Variants in WWOX observed in about 807,000 individuals in gnomAD.
The protein encoded by WWOX is WW domain-containing oxidoreductase.
In WWOX, 69 loss-of-function variants were observed where a neutral mutation model predicts 46.2. The ratio of observed to expected loss-of-function variants is 1.49; its 90% CI spans 1.23 to 1.82. The LOEUF (loss-of-function observed/expected upper bound fraction) is 1.82, where lower values mean the gene tolerates loss of function less well. Among genes scored for constraint, WWOX ranks in the 40% most tolerant of loss-of-function variants. The probability of loss-of-function intolerance (pLI) is 0.00; values close to 1 mark genes in which losing one functional copy is unlikely to be tolerated. For synonymous variants in WWOX, 359 were observed against 202.6 expected (o/e 1.77, Z -6.56); for missense variants, 919 against 542.6 (o/e 1.69, Z -6.89).
chr16:78,578,630 C>T (rs537220277), intron 8 of WWOX, among the ~76,000 whole-genome samples: 3 of 151,840 alleles, frequency 2.0e-5, no homozygotes, highest in Admixed American at 6.6e-5. Flanking sequence ...CACGCACACA[C>T]CAAATTTAAA....
intron 8 of WWOX, among the ~76,000 whole-genome samples, chr16:78,886,639 C>CATATATATATATATATATAT (rs3085495): frequency 1.7e-4 from 25 of 144,834 alleles, no homozygotes; most frequent in Admixed American, 4.8e-4. Flanking sequence ...CAAAGAAAAA[C>CATATATATATATATATATAT]ATATATATAT....
At chr16:78,997,308 A>C (rs879084981) in intron 8 of WWOX, among the ~76,000 whole-genome samples, 4 of 152,172 alleles carry the variant, frequency 2.6e-5, no homozygotes, top group Admixed American at 2.0e-4. Flanking sequence ...AACCATACCT[A>C]TATCAGCTTT....
chr16:78,489,369 T>A (rs116137670), intron 8 of WWOX, among the ~76,000 whole-genome samples: 2,069 of 152,248 alleles, frequency 0.014, 42 homozygotes, highest in African/African-American at 0.047. Flanking sequence ...TCTCTTTACT[T>A]GGCCAAATAT....
At chr16:78,456,247 A>T (rs914759055) in intron 8 of WWOX, among the ~76,000 whole-genome samples, 1 of 152,196 alleles carries the variant, frequency 6.6e-6, no homozygotes. Flanking sequence ...CATTTTTAAC[A>T]TAGACACCAA....
At position 78,208,490 on chromosome 16, in the gene WWOX, A is replaced by C. The variant is rs185517536; in HGVS notation, c.516+44201A>C. On this transcript the variant is annotated intron_variant, in intron 5 of 8. Transcript: ENST00000566780. Reference sequence around the variant, plus strand: ...TAAATCTCATAAAAACCTGTTATGGAATATGAATACGTGGCACTATTTTTT... The same window carrying C: ...TAAATCTCATAAAAACCTGTTATGGCATATGAATACGTGGCACTATTTTTT... Among the ~76,000 whole-genome samples the C allele has an allele frequency of 5.1e-4, 77 of 152,354 alleles. 1 individual carries two copies. The highest frequency in any genetic ancestry group is 2.9e-3 in the Admixed American group (45 of 15,308).
chr16:78,175,710 C>G (rs1361847085), intron 5 of WWOX, among the ~76,000 whole-genome samples: 1 of 152,216 alleles, frequency 6.6e-6, no homozygotes, highest in Non-Finnish European at 1.5e-5. Context: ...AACCACCCAG[C>G]AGCTAAGCCA....
intron 8 of WWOX, among the ~76,000 whole-genome samples, chr16:78,656,910 G>A (rs1441814294): frequency 4.6e-5 from 7 of 152,176 alleles, no homozygotes; most frequent in Non-Finnish European, 7.3e-5. Flanking sequence ...TTTAGGGAAG[G>A]CTGTCGATAC....
chr16:78,404,328 C>G (rs2082476532), intron 6 of WWOX, among the ~76,000 whole-genome samples: 1 of 152,090 alleles, frequency 6.6e-6, no homozygotes, highest in Non-Finnish European at 1.5e-5. Flanking sequence ...GTATGCCAAG[C>G]ATAACCCTAG....
intron 8 of WWOX, among the ~76,000 whole-genome samples, chr16:78,912,628 A>T (rs2045141392): frequency 6.6e-6 from 1 of 151,954 alleles, no homozygotes; most frequent in South Asian, 2.1e-4. Context: ...GTAGAATTTC[A>T]TTTCTTATCA....
chr16:78,553,803 AC>A (rs1010954577), intron 8 of WWOX, among the ~76,000 whole-genome samples: 22 of 151,514 alleles, frequency 1.5e-4, no homozygotes, highest in African/African-American at 4.4e-4. Context: ...GGTCCTGCAG[AC>A]CCCCCTGGTG....
At chr16:79,183,455 A>G (rs1308966627) in intron 8 of WWOX, among the ~76,000 whole-genome samples, 1 of 152,212 alleles carries the variant, frequency 6.6e-6, no homozygotes, top group African/African-American at 2.4e-5. Context: ...TTAGGCTCAA[A>G]GAGATTAAAT....
chr16:78,117,586 C>T (rs567414835), intron 4 of WWOX, among the ~76,000 whole-genome samples: 63 of 152,282 alleles, frequency 4.1e-4, no homozygotes, highest in African/African-American at 1.3e-3. Flanking sequence ...TTATATCCTG[C>T]GTGGCTGCCT....
chr16:78,846,133 T>C (rs892729661), intron 8 of WWOX, among the ~76,000 whole-genome samples: 2 of 152,204 alleles, frequency 1.3e-5, no homozygotes, highest in African/African-American at 4.8e-5. Flanking sequence ...GGTTGGTTTG[T>C]TCCAGTTTTT....
In WWOX at chr16:78,702,120, A is replaced by ATATATATATATATATATT. The variant is rs1207718237; in HGVS notation, c.1056+269371_1056+269372insATATATATATATATTTAT. Among the ~76,000 whole-genome samples, 80 of 130,012 alleles carry ATATATATATATATATATT rather than the reference A, an allele frequency of 6.2e-4. 3 individuals are homozygous for ATATATATATATATATATT. Among genetic ancestry groups the ATATATATATATATATATT allele is most frequent in the African/African-American group, 2.4e-3 (73 of 30,262 alleles). The allele number at this position is 130,012 out of a possible 152,430, so 85.3% of individuals were successfully genotyped here. A position where few individuals can be genotyped will look rare whatever the true frequency, so the allele number is the denominator to read the frequency against. On this transcript the variant is annotated intron_variant, in intron 8 of 8. Transcript: ENST00000566780. ...TAAAGTTATATATATATATATATAT[A>ATATATATATATATATATT]TATTTATTTATTTTCAAGACATGGT...
chr16:79,120,052 C>G (rs2049597082), intron 8 of WWOX, among the ~76,000 whole-genome samples: 1 of 152,200 alleles, frequency 6.6e-6, no homozygotes, highest in African/African-American at 2.4e-5. Context: ...GAAACCGCAA[C>G]TGCCTGCAGG....
At chr16:78,485,167 T>C (rs930204408) in intron 8 of WWOX, among the ~76,000 whole-genome samples, 4 of 152,168 alleles carry the variant, frequency 2.6e-5, no homozygotes, top group Admixed American at 2.6e-4. Flanking sequence ...ATAAAGTTTA[T>C]TTTTACAGTA....
At chr16:78,220,234 A>G (rs961203746) in intron 5 of WWOX, among the ~76,000 whole-genome samples, 4 of 152,164 alleles carry the variant, frequency 2.6e-5, no homozygotes, top group Non-Finnish European at 5.9e-5. Flanking sequence ...GTGGGTATCA[A>G]TGAGTTTTAC....
intron 8 of WWOX, among the ~76,000 whole-genome samples, chr16:79,198,227 A>T (rs1426794152): frequency 1.3e-5 from 2 of 152,128 alleles, no homozygotes; most frequent in East Asian, 3.9e-4. Context: ...AATCCCAGCT[A>T]CTCGGGAGGC....
intron 4 of WWOX, chr16:78,123,243 A>C (rs2033182114): frequency 1.3e-5 from 2 of 152,048 alleles, no homozygotes; most frequent in Non-Finnish European, 2.9e-5. Context: ...CATTGTGTTC[A>C]GGGAGCAGCC....
Sources: allele counts gnomAD v4.1 joint callset (sites outside exome capture counted in the v4.1 genomes callset), GRCh38; gene constraint gnomAD v4.1.1; transcripts MANE v1.5; gene names NCBI Gene and HGNC (gene_info 2026-07-23, HGNC 2026-07-21).